Variants in CECR2 observed in about 807,000 individuals in gnomAD.
The protein encoded by CECR2 is CECR2 histone acetyl-lysine reader, also known as chromatin remodeling regulator CECR2.
Under a neutral mutation model 154.5 loss-of-function variants are expected in CECR2, and 30 were observed. That is an observed-to-expected ratio of 0.19 (90% confidence interval 0.15 to 0.26). CECR2 has a LOEUF of 0.26. Ranked by LOEUF, CECR2 falls within the 10% of genes least tolerant of loss-of-function variation. The pLI, the probability that CECR2 is intolerant of heterozygous loss-of-function variation, is 1.00. For synonymous variants in CECR2, 725 were observed against 683.7 expected (o/e 1.06, Z -0.94); for missense variants, 1,743 against 1,829.3 (o/e 0.95, Z 0.86).
At chr22:17,525,317 AAAGG>A (rs1408368935) in intron 9 of CECR2, among the ~76,000 whole-genome samples, 89 of 140,592 alleles carry the variant, frequency 6.3e-4, no homozygotes, top group African/African-American at 1.8e-3. Context: ...AAAAAAAAAG[AAAGG>A]AAGGGAGGGA....
At chr22:17,364,548 A>G (rs1256341377), upstream of CECR2, among the ~76,000 whole-genome samples, 3 of 152,104 alleles carry the variant, frequency 2.0e-5, no homozygotes, top group Non-Finnish European at 4.4e-5. Flanking sequence ...ACAGTGGCTC[A>G]CGCCTTGTAA....
At chr22:17,466,444 AAAACCCTTTAT>A (rs2055033662) in intron 1 of CECR2, among the ~76,000 whole-genome samples, 3 of 151,064 alleles carry the variant, frequency 2.0e-5, no homozygotes, top group Admixed American at 2.0e-4. Flanking sequence ...AATTACACTG[AAAACCCTTTAT>A]GTCAGCCCAT....
At chr22:17,412,557 C>T (rs966791248) in intron 1 of CECR2, among the ~76,000 whole-genome samples, 5 of 152,198 alleles carry the variant, frequency 3.3e-5, no homozygotes, top group African/African-American at 1.2e-4. Flanking sequence ...GCTGTCTCCG[C>T]CCTCCTACCT....
intron 8 of CECR2, among the ~76,000 whole-genome samples, chr22:17,513,577 G>A (rs150479587): frequency 2.0e-5 from 3 of 152,146 alleles, no homozygotes; most frequent in Non-Finnish European, 4.4e-5. Flanking sequence ...TGTCTTGCCC[G>A]ATGTTTAATT....
At chr22:17,379,627 T>C (rs923707092) in intron 1 of CECR2, among the ~76,000 whole-genome samples, 2 of 149,384 alleles carry the variant, frequency 1.3e-5, no homozygotes, top group African/African-American at 5.0e-5. Flanking sequence ...TGTGTGTGTT[T>C]GCGATATATG....
In CECR2 at chr22:17,540,392, ATCC is replaced by A. The variant is rs1414450410; in HGVS notation, c.1496-15_1496-13del. 3.4e-6 allele frequency: 5 copies of A among 1,490,030 alleles called. No individual in the cohort carries two copies. The highest frequency in any genetic ancestry group is 4.5e-6 in the Non-Finnish European group (5 of 1,120,246). 92.3% of individuals were successfully genotyped at this position (1,490,030 alleles called of 1,614,324 possible). The stretch of plus-strand genomic sequence containing the variant: ...TTCTGTAAACTATACCTAGAAGTCA[ATCC>A]TCCTGTCTTCCTATAGAGTATACCA... On this transcript the variant is annotated splice_polypyrimidine_tract_variant and intron_variant, in intron 13 of 18. Transcript: ENST00000262608.
At chr22:17,393,825 C>A (rs556947415) in intron 1 of CECR2, among the ~76,000 whole-genome samples, 1 of 151,608 alleles carries the variant, frequency 6.6e-6, no homozygotes, top group African/African-American at 2.4e-5. Context: ...ACATCCTTTG[C>A]CAGTTTTAAA....
chr22:17,539,661 A>G (rs1306221249), intron 13 of CECR2, among the ~76,000 whole-genome samples: 1 of 152,006 alleles, frequency 6.6e-6, no homozygotes, highest in African/African-American at 2.4e-5. Flanking sequence ...AACTTAAAGT[A>G]TAATAAAAAT....
At chr22:17,504,046 C>CTAAATAAATAAATAAATAAA (rs150862438) in intron 6 of CECR2, among the ~76,000 whole-genome samples, 3,273 of 136,534 alleles carry the variant, frequency 0.024, 64 homozygotes, top group African/African-American at 0.033. Context: ...GACTCTGCCT[C>CTAAATAAATAAATAAATAAA]TAAATAAATA....
chr22:17,549,446 G>T lies in CECR2; in HGVS notation c.4159G>T (p.Gly1387Cys). 1 of 1,612,752 alleles carries T rather than the reference G, an allele frequency of 6.2e-7. No homozygotes were observed. The highest frequency in any genetic ancestry group is 8.5e-7 in the Non-Finnish European group (1 of 1,179,394). ...ATQPNGLSQE[G>C]PIYRCQEEGL... is the part of the protein sequence containing the mutation. ...CCAGCCCAACGGCCTCTCTCAGGAG[G>T]GTCCCATCTATCGCTGCCAGGAAGA... The change falls in exon 17 of 19, where the codon GGT becomes TGT. Residue 1387 changes from glycine (G) to cysteine (C), a missense_variant. Physicochemically the swap from Gly to Cys is radical, Grantham distance 159 (BLOSUM62 -3). Coordinates refer to ENST00000262608, the MANE Select transcript of CECR2 (RefSeq NM_001290047.2).
At chr22:17,447,793 TTA>T (rs1401262023) in intron 1 of CECR2, among the ~76,000 whole-genome samples, 1 of 152,088 alleles carries the variant, frequency 6.6e-6, no homozygotes, top group Admixed American at 6.5e-5. Flanking sequence ...GTCCAATGTA[TTA>T]GCCACTGGCA....
intron 1 of CECR2, chr22:17,418,735 AC>A: frequency 2.0e-6 from 1 of 490,722 alleles, no homozygotes; most frequent in Admixed American, 4.1e-5. Context: ...ACCCCAATGG[AC>A]CCATCCATTC....
At chr22:17,379,651 C>T (rs550118899) in intron 1 of CECR2, among the ~76,000 whole-genome samples, 51 of 148,828 alleles carry the variant, frequency 3.4e-4, no homozygotes, top group Middle Eastern at 3.4e-3. Context: ...ATGTAAAGTT[C>T]ATTATTCCGT....
chr22:17,477,419 C>T (rs1309101806), intron 1 of CECR2, among the ~76,000 whole-genome samples, 169 bp from the exon 2 acceptor site: 1 of 152,140 alleles, frequency 6.6e-6, no homozygotes, highest in East Asian at 1.9e-4. Context: ...AACGCGGAAT[C>T]CGGTTGCTCT....
chr22:17,546,898 G>T (rs1379095116), intron 16 of CECR2, among the ~76,000 whole-genome samples: 1 of 151,566 alleles, frequency 6.6e-6, no homozygotes, highest in Non-Finnish European at 1.5e-5. Context: ...AATTAGCCGG[G>T]CATGGTGGTG....
Position 17,544,476 on chromosome 22 carries a change from C to T in CECR2, c.2860+1473C>T, listed in dbSNP as rs1390259305. 4.8e-5 allele frequency among the ~76,000 whole-genome samples: 6 copies of T among 124,192 alleles called. 1 individual carries two copies. Among genetic ancestry groups the T allele is most frequent in the South Asian group, 4.9e-4 (2 of 4,096 alleles). 81.5% of individuals were successfully genotyped at this position (124,192 alleles called of 152,430 possible). On this transcript the variant is annotated intron_variant, in intron 16 of 18. Transcript: ENST00000262608. ...TTGTGCCACTGCACTCCGGCCTGGG[C>T]GACAGAGCGAGACTCCATCTCAAAA...
chr22:17,536,029 A>T (rs537908348), intron 9 of CECR2, among the ~76,000 whole-genome samples: 1 of 152,078 alleles, frequency 6.6e-6, no homozygotes, highest in Non-Finnish European at 1.5e-5. Context: ...TGGGCAGTTC[A>T]CCTGAGGTCA....
chr22:17,538,819 T>C, intron 12 of CECR2, 88 bp downstream of exon 12: 1 of 1,307,036 alleles, frequency 7.7e-7, no homozygotes, highest in Non-Finnish European at 1.1e-6. Context: ...TATATATATA[T>C]TTTGATACGT....
chr22:17,438,076 A>C (rs529891217), intron 1 of CECR2, among the ~76,000 whole-genome samples: 1 of 152,360 alleles, frequency 6.6e-6, no homozygotes, highest in South Asian at 2.1e-4. Flanking sequence ...AGAATTGTAC[A>C]TTATATTTGG....
Sources: gnomAD v4.1 joint callset for allele counts (sites outside exome capture counted in the v4.1 genomes callset) on GRCh38, gnomAD v4.1.1 for gene constraint, MANE v1.5 for transcripts, NCBI Gene and HGNC (gene_info 2026-07-23, HGNC 2026-07-21) for gene names.